TMEFF2: variants seen among roughly 807,000 people sequenced by gnomAD.
TMEFF2 encodes the protein transmembrane protein with EGF like and two follistatin like domains 2.
In TMEFF2, 28 loss-of-function variants were observed where a neutral mutation model predicts 53.8. The ratio of observed to expected loss-of-function variants is 0.52; its 90% CI spans 0.39 to 0.71. The LOEUF is 0.71. Among genes scored for constraint, TMEFF2 ranks in the 30% least tolerant of loss-of-function variants. TMEFF2 has a pLI of 0.00. For missense variants in TMEFF2, 353 were observed against 455.2 expected (o/e 0.78, Z 2.04); for synonymous variants, 162 against 166.3 (o/e 0.97, Z 0.20).
chr2:191,951,169 G>C (rs1202233922), intron 9 of TMEFF2, among the ~76,000 whole-genome samples: 1 of 151,738 alleles, frequency 6.6e-6, no homozygotes, highest in Non-Finnish European at 1.5e-5. Flanking sequence ...GTATGTATGT[G>C]TGTGTGTGTA....
chr2:192,057,825 T>C, intron 4 of TMEFF2, 50 bp from the exon 5 acceptor site: 1 of 1,405,712 alleles, frequency 7.1e-7, no homozygotes, highest in South Asian at 1.2e-5. Context: ...GTGCATTATA[T>C]CTACAACTCC....
chr2:192,071,151 A>G (rs1688286052), intron 4 of TMEFF2, among the ~76,000 whole-genome samples: 1 of 151,908 alleles, frequency 6.6e-6, no homozygotes, highest in Non-Finnish European at 1.5e-5. Flanking sequence ...AACTGACAAG[A>G]TTTACTGATG....
intron 5 of TMEFF2, among the ~76,000 whole-genome samples, chr2:192,014,662 C>G (rs923550953): frequency 6.6e-6 from 1 of 152,120 alleles, no homozygotes; most frequent in African/African-American, 2.4e-5. Flanking sequence ...GTAATTTGAT[C>G]ATTTGATTAT....
chr2:192,033,736 A>G (rs1174810653), intron 5 of TMEFF2, among the ~76,000 whole-genome samples: 2 of 152,256 alleles, frequency 1.3e-5, no homozygotes, highest in Middle Eastern at 3.4e-3. Flanking sequence ...AAATTTTGAT[A>G]TAGTGTGATT....
rs994663852 is a variant in TMEFF2, at chr2:192,184,243, T to G, written c.412+111A>C. 8.3e-6 allele frequency: 11 copies of G among 1,325,976 alleles called. No individual in the cohort carries two copies. In the Admixed American group the frequency reaches 1.4e-4, roughly 17 times the overall value. 82.1% of individuals were successfully genotyped at this position (1,325,976 alleles called of 1,614,324 possible). On this transcript the variant is annotated intron_variant, in intron 3 of 9. Transcript: ENST00000272771. The stretch of plus-strand genomic sequence containing the variant: ...GTTTTGAACAAAACAATACGGCTTG[T>G]CTAGTCAACATATAATCTGAATTAT...
At chr2:192,008,091 A>G (rs1686543928) in intron 5 of TMEFF2, among the ~76,000 whole-genome samples, 1 of 152,186 alleles carries the variant, frequency 6.6e-6, no homozygotes, top group African/African-American at 2.4e-5. Context: ...CACTATTGGG[A>G]CAGAAGCAAA....
At chr2:191,955,918 A>G (rs1466645797) in intron 8 of TMEFF2, among the ~76,000 whole-genome samples, 1 of 152,212 alleles carries the variant, frequency 6.6e-6, no homozygotes, top group African/African-American at 2.4e-5. Context: ...ATAAATACTT[A>G]TTGAGCAACT....
chr2:192,044,304 G>A (rs1012981570), intron 5 of TMEFF2: 7 of 152,100 alleles, frequency 4.6e-5, no homozygotes, highest in Non-Finnish European at 7.4e-5. Context: ...TATAGTTATT[G>A]GTAAGACATT....
chr2:192,143,496 T>G (rs1006228988), intron 4 of TMEFF2, among the ~76,000 whole-genome samples: 3 of 152,128 alleles, frequency 2.0e-5, no homozygotes, highest in Non-Finnish European at 4.4e-5. Flanking sequence ...AAAATTAAAT[T>G]CCTCAGTGAG....
At chr2:192,164,020 C>G (rs1044671263) in intron 4 of TMEFF2, among the ~76,000 whole-genome samples, 26 of 152,302 alleles carry the variant, frequency 1.7e-4, no homozygotes, top group African/African-American at 5.8e-4. Context: ...GCCTGCTCCA[C>G]TATAATAATC....
chr2:192,147,526 T>C (rs1690283541), intron 4 of TMEFF2, among the ~76,000 whole-genome samples: 1 of 149,758 alleles, frequency 6.7e-6, no homozygotes. Flanking sequence ...TTCCCCTTAC[T>C]GTGTCCAAGT....
At chr2:191,964,362 T>TTCTCTCTCTC in intron 7 of TMEFF2, among the ~76,000 whole-genome samples, 2 of 101,032 alleles carry the variant, frequency 2.0e-5, no homozygotes, top group Admixed American at 2.1e-4. Flanking sequence ...CTTTCTTTCT[T>TTCTCTCTCTC]TCTTTCTTTC....
At chr2:192,046,036 T>TA (rs1466202879) in intron 5 of TMEFF2, among the ~76,000 whole-genome samples, 1 of 152,204 alleles carries the variant, frequency 6.6e-6, no homozygotes, top group African/African-American at 2.4e-5. Context: ...TCCCTGGTCT[T>TA]ACCATGTTTC....
chr2:192,187,328 TACTC>T (rs1310138675), intron 2 of TMEFF2, among the ~76,000 whole-genome samples: 2 of 152,196 alleles, frequency 1.3e-5, no homozygotes, highest in African/African-American at 2.4e-5. Context: ...TATCTTGTAA[TACTC>T]ACTTATACAA....
intron 5 of TMEFF2, among the ~76,000 whole-genome samples, chr2:192,053,191 A>G (rs1413698845): frequency 6.6e-6 from 1 of 152,172 alleles, no homozygotes; most frequent in Non-Finnish European, 1.5e-5. Flanking sequence ...TGTCAATGCC[A>G]TCTAATTATT....
At chr2:192,025,478 A>G (rs1264440330) in intron 5 of TMEFF2, among the ~76,000 whole-genome samples, 1 of 152,148 alleles carries the variant, frequency 6.6e-6, no homozygotes, top group East Asian at 1.9e-4. Flanking sequence ...TTCAAATCTA[A>G]GAAGTTGGTG....
At chr2:192,022,872 T>G (rs1042666536) in intron 5 of TMEFF2, among the ~76,000 whole-genome samples, 1 of 152,202 alleles carries the variant, frequency 6.6e-6, no homozygotes, top group Non-Finnish European at 1.5e-5. Context: ...GCTTTCTAGA[T>G]AAATTACATT....
Position 191,987,418 on chromosome 2 carries a change from T to C in TMEFF2, c.745+10844A>G, listed in dbSNP as rs907496425. ...TAATCTTACTTTCTTTTTACTTTTT[T>C]TTTTTTGAGACAGAGTCTCACTCTG... On this transcript the variant is annotated intron_variant, in intron 7 of 9. Transcript: ENST00000272771. Among the ~76,000 whole-genome samples the C allele has an allele frequency of 5.3e-5, 8 of 152,202 alleles. No individual in the cohort carries two copies. In the East Asian group the frequency reaches 7.7e-4, roughly 15 times the overall value.
At chr2:192,054,566 A>C (rs544649114) in intron 5 of TMEFF2, among the ~76,000 whole-genome samples, 30 of 152,070 alleles carry the variant, frequency 2.0e-4, no homozygotes, top group Non-Finnish European at 3.7e-4. Flanking sequence ...TTGCAAGAAT[A>C]CCAGGATTAA....
Sources: gnomAD v4.1 joint callset for allele counts (sites outside exome capture counted in the v4.1 genomes callset) on GRCh38, gnomAD v4.1.1 for gene constraint, MANE v1.5 for transcripts, NCBI Gene and HGNC (gene_info 2026-07-23, HGNC 2026-07-21) for gene names.